Variants in IMMP2L observed in about 807,000 individuals in gnomAD.
IMMP2L encodes mitochondrial inner membrane protease subunit 2.
IMMP2L carries 18 observed loss-of-function variants against 19.3 expected under a neutral mutation model. The ratio of observed to expected loss-of-function variants is 0.93; its 90% confidence interval spans 0.64 to 1.38. The LOEUF is 1.38. Ranked by LOEUF, IMMP2L falls within the 40% of genes most tolerant of loss-of-function variation. The pLI is 0.00. For missense variants in IMMP2L, 233 were observed against 218.2 expected (o/e 1.07, Z -0.43); for synonymous variants, 76 against 73.0 (o/e 1.04, Z -0.21).
intron 3 of IMMP2L, among the ~76,000 whole-genome samples, chr7:111,120,263 GAAAA>G (rs1209621948): frequency 6.6e-6 from 1 of 152,086 alleles, no homozygotes; most frequent in African/African-American, 2.4e-5. Flanking sequence ...AATTTACAAA[GAAAA>G]AGAGATTTAA....
chr7:111,178,165 C>T (rs1056134656), intron 3 of IMMP2L, among the ~76,000 whole-genome samples: 3 of 152,010 alleles, frequency 2.0e-5, no homozygotes, highest in African/African-American at 7.2e-5. Context: ...AAAATTAATA[C>T]AGCAATAAAG....
intron 5 of IMMP2L, among the ~76,000 whole-genome samples, chr7:110,801,825 ATTGGG>A (rs1801265748): frequency 6.6e-6 from 1 of 152,070 alleles, no homozygotes; most frequent in African/African-American, 2.4e-5. Flanking sequence ...GGTAACAGAT[ATTGGG>A]TTGGGTGACA....
chr7:111,001,599 A>C (rs1823700771), intron 3 of IMMP2L, among the ~76,000 whole-genome samples: 1 of 152,192 alleles, frequency 6.6e-6, no homozygotes, highest in African/African-American at 2.4e-5. Context: ...ATTACACCTT[A>C]CATGAATCAA....
chr7:110,816,054 T>C (rs903958379), intron 5 of IMMP2L, among the ~76,000 whole-genome samples: 6 of 152,172 alleles, frequency 3.9e-5, no homozygotes, highest in African/African-American at 1.4e-4. Context: ...TTAACTGTGA[T>C]GTTAGGGTGT....
chr7:111,203,367 A>C (rs958606024), intron 3 of IMMP2L, among the ~76,000 whole-genome samples: 2 of 152,152 alleles, frequency 1.3e-5, no homozygotes, highest in African/African-American at 4.8e-5. Flanking sequence ...ACAGAAAAAA[A>C]AATCAAGAAA....
intron 3 of IMMP2L, among the ~76,000 whole-genome samples, chr7:111,050,550 C>T (rs898700154): frequency 3.3e-5 from 5 of 152,138 alleles, no homozygotes; most frequent in African/African-American, 9.7e-5. Flanking sequence ...TTAAAGGGGA[C>T]ATCTTTTTTG....
At chr7:111,173,095 G>A (rs983130034) in intron 3 of IMMP2L, among the ~76,000 whole-genome samples, 9 of 151,478 alleles carry the variant, frequency 5.9e-5, no homozygotes. Context: ...AAAAGCCCCA[G>A]GAGATTCTAA....
chr7:111,094,349 A>C (rs949356551), intron 3 of IMMP2L, among the ~76,000 whole-genome samples: 2 of 152,158 alleles, frequency 1.3e-5, no homozygotes, highest in African/African-American at 2.4e-5. Context: ...TCATTAAAAG[A>C]AAGCTAATAG....
At chr7:110,893,695 C>T (rs1005787441) in intron 4 of IMMP2L, among the ~76,000 whole-genome samples, 2 of 151,952 alleles carry the variant, frequency 1.3e-5, no homozygotes, top group Non-Finnish European at 2.9e-5. Flanking sequence ...GAGCACAGTA[C>T]CCCAAATTCT....
chr7:110,686,551 T>C (rs1304624784), intron 5 of IMMP2L, among the ~76,000 whole-genome samples: 1 of 152,072 alleles, frequency 6.6e-6, no homozygotes, highest in Non-Finnish European at 1.5e-5. Flanking sequence ...CCAGATCATA[T>C]TCAGTTGTCT....
chr7:110,997,504 G>A (rs1016991711), intron 3 of IMMP2L, among the ~76,000 whole-genome samples: 5 of 151,940 alleles, frequency 3.3e-5, no homozygotes, highest in South Asian at 2.1e-4. Flanking sequence ...TAATCCAGTC[G>A]CTAAATCCTC....
intron 3 of IMMP2L, among the ~76,000 whole-genome samples, chr7:111,142,940 A>T (rs1803091603): frequency 6.6e-6 from 1 of 152,160 alleles, no homozygotes; most frequent in African/African-American, 2.4e-5. Flanking sequence ...TTGTGAATAG[A>T]ACCCATCCTG....
At position 111,302,568 on chromosome 7, in the gene IMMP2L, A is replaced by G. The variant is rs189655388; in HGVS notation, c.239+184670T>C. On this transcript the variant is annotated intron_variant, in intron 3 of 5. Coordinates refer to ENST00000405709, the MANE Select transcript of IMMP2L (RefSeq NM_032549.4). ...CTTCATGATAACCCTAGGAGGTGCT[A>G]TTACTGTTCCCATTATATAAATAAA... is the stretch of plus-strand genomic sequence containing the variant. Among the ~76,000 whole-genome samples the G allele has an allele frequency of 3.6e-3, 545 of 152,230 alleles. 4 individuals carry two copies. The highest frequency in any genetic ancestry group is 0.012 in the African/African-American group (518 of 41,568).
intron 5 of IMMP2L, among the ~76,000 whole-genome samples, chr7:110,730,082 A>T (rs1240254213): frequency 6.6e-6 from 1 of 152,280 alleles, no homozygotes; most frequent in East Asian, 1.9e-4. Context: ...ATTAAACATG[A>T]AAGATTTTCA....
At chr7:111,106,133 T>G (rs2129581440) in intron 3 of IMMP2L, among the ~76,000 whole-genome samples, 1 of 152,078 alleles carries the variant, frequency 6.6e-6, no homozygotes, top group South Asian at 2.1e-4. Flanking sequence ...TTGGTGCACA[T>G]TGGAGCAGAC....
chr7:110,844,658 G>C (rs1301419975), intron 5 of IMMP2L, among the ~76,000 whole-genome samples: 1 of 77,232 alleles, frequency 1.3e-5, no homozygotes, highest in Admixed American at 1.3e-4. Context: ...AGAAGACAGA[G>C]TGGGAGATAA....
intron 4 of IMMP2L, among the ~76,000 whole-genome samples, chr7:110,889,400 A>G (rs1403681246): frequency 6.6e-6 from 1 of 152,158 alleles, no homozygotes; most frequent in Non-Finnish European, 1.5e-5. Flanking sequence ...ATCAGGTATA[A>G]GAGTGTCATA....
intron 3 of IMMP2L, among the ~76,000 whole-genome samples, chr7:111,162,787 G>A (rs1805408232): frequency 6.6e-6 from 1 of 151,900 alleles, no homozygotes; most frequent in African/African-American, 2.4e-5. Flanking sequence ...AAACTTGGTG[G>A]ATAAAAACTG....
rs1357131864 is a variant in IMMP2L, at chr7:110,757,241, T to TGGG, written c.409-93523_409-93521dup. ...GGGCTGGCTTCACGGGTGTGCAATC[T>TGGG]GGGGAGTCACTGAGGGAACCACATC... On this transcript the variant is annotated intron_variant, in intron 5 of 5. Coordinates refer to ENST00000405709, the MANE Select transcript of IMMP2L (RefSeq NM_032549.4). The surrounding 1 kb of genome is among the most constrained non-coding windows in gnomAD (Gnocchi z 4.2). Among the ~76,000 whole-genome samples the TGGG allele has an allele frequency of 6.6e-6, 1 of 152,046 alleles. No homozygotes were observed. The highest frequency in any genetic ancestry group is 1.5e-5 in the Non-Finnish European group (1 of 67,980).
Sources: allele counts gnomAD v4.1 joint callset (sites outside exome capture counted in the v4.1 genomes callset), GRCh38; gene constraint gnomAD v4.1.1; non-coding constraint Gnocchi (gnomAD v3.1); transcripts MANE v1.5; gene names NCBI Gene and HGNC (gene_info 2026-07-23, HGNC 2026-07-21).